The following LOX variants were observed in gnomAD, a reference collection of about 807,000 sequenced individuals.
LOX encodes the protein protein-lysine 6-oxidase.
LOX carries 12 observed loss-of-function variants against 50.5 expected under a neutral mutation model. That is an observed-to-expected ratio of 0.24 (90% confidence interval 0.15 to 0.38). LOX has a LOEUF of 0.38. LOX is among the 10% of genes least tolerant of loss of function. LOX has a pLI of 1.00. For missense variants in LOX, 504 were observed against 563.8 expected (o/e 0.89, Z 1.07); for synonymous variants, 254 against 230.6 (o/e 1.10, Z -0.92).
At chr5:122,072,400 A>G (rs1254471593) in intron 4 of LOX, among the ~76,000 whole-genome samples, 2 of 152,232 alleles carry the variant, frequency 1.3e-5, no homozygotes, top group Non-Finnish European at 2.9e-5. Flanking sequence ...CAGCAATTTG[A>G]GTTTTAGCAA....
chr5:122,071,219 G>A lies in LOX; in HGVS notation c.1036-630C>T, dbSNP rs540840314. 4.0e-4 allele frequency among the ~76,000 whole-genome samples: 57 copies of A among 144,182 alleles called. 3 individuals are homozygous for A. The South Asian group carries it at 8.7e-3, about 22-fold the overall frequency. The allele number at this position is 144,182 out of a possible 152,430, so 94.6% of individuals were successfully genotyped here. A position where few individuals can be genotyped will look rare whatever the true frequency, so the allele number is the denominator to read the frequency against. On this transcript the variant is annotated intron_variant, in intron 4 of 6. Transcript: ENST00000231004. ...TGTGTGTGTGTGTGTGTGTGTGTGTGTATAAAAATTCAATTTTCACAACTA... is the reference window on the plus strand; with the variant it reads ...TGTGTGTGTGTGTGTGTGTGTGTGTATATAAAAATTCAATTTTCACAACTA...
Position 122,077,305 on chromosome 5 carries a change from A to G in LOX, c.631+50T>C, listed in dbSNP as rs774291247. On this transcript the variant is annotated intron_variant, in intron 1 of 6. Coordinates refer to ENST00000231004, the MANE Select transcript of LOX (RefSeq NM_002317.7). This position sits in a 1 kb window ranked among gnomAD's most constrained non-coding sequence, Gnocchi z 4.9. ...AGGCAGCCACGTCGAGAAGCCACAT[A>G]GCTGGGGACCAGGTGCACGGGTGCT... The G allele has an allele frequency of 6.2e-7, 1 of 1,610,522 alleles. No individual in the cohort carries two copies. Among genetic ancestry groups the G allele is most frequent in the Non-Finnish European group, 8.5e-7 (1 of 1,178,572 alleles).
In LOX at chr5:122,063,415, T is replaced by A. The variant is rs1407184487; in HGVS notation, c.*3328A>T. 2 of 151,892 alleles carry A rather than the reference T, an allele frequency of 1.3e-5. No individual in the cohort carries two copies. Among genetic ancestry groups the A allele is most frequent in the African/African-American group, 2.4e-5 (1 of 41,414 alleles). The allele number at this position is 151,892 out of a possible 1,614,324, so 9.4% of individuals were successfully genotyped here. The stretch of plus-strand genomic sequence containing the variant: ...TAAAAACCTAACACCAAATGACATG[T>A]TACTTAGTTTATAGCAAGCAGTTTT... On this transcript the variant is annotated 3_prime_UTR_variant, in exon 7 of 7. Transcript: ENST00000231004.
Position 122,077,452 on chromosome 5 carries a change from A to G in LOX, c.534T>C (p.Ser178=), listed in dbSNP as rs144768703. ...GDDPYNPYKY[S]DDNPYYNYYD... is the part of the protein sequence containing the mutation. ...AGTAGTTGTAATAAGGGTTGTCGTC[A>G]GAGTACTTGTAGGGGTTGTAAGGGT... The change falls in exon 1 of 7, where the codon TCT becomes TCC. Residue 178 remains serine (S), a synonymous_variant. Coordinates refer to ENST00000231004, the MANE Select transcript of LOX (RefSeq NM_002317.7). The surrounding 1 kb of genome is among the most constrained non-coding windows in gnomAD (Gnocchi z 4.9). The G allele has an allele frequency of 2.7e-4, 438 of 1,614,088 alleles. No individual in the cohort carries two copies. Among genetic ancestry groups the G allele is most frequent in the Non-Finnish European group, 2.6e-4 (311 of 1,180,006 alleles).
At position 122,078,226 on chromosome 5, in the gene LOX, G is replaced by A; in HGVS notation, c.-241C>T. 2.4e-6 allele frequency: 1 copy of A among 413,314 alleles called. No homozygotes were observed. The highest frequency in any genetic ancestry group is 4.5e-5 in the Admixed American group (1 of 22,332). The allele number at this position is 413,314 out of a possible 1,614,324, so 25.6% of individuals were successfully genotyped here. The stretch of plus-strand genomic sequence containing the variant: ...TCTCAGTCCTGGAAGGCAACGGGGA[G>A]CGGCGCGGCAGTCCCGGAGAGCGGG... On this transcript the variant is annotated 5_prime_UTR_variant, in exon 1 of 7. Coordinates refer to ENST00000231004, the MANE Select transcript of LOX (RefSeq NM_002317.7).
chr5:122,071,162 G>C (rs1475399552), intron 4 of LOX, among the ~76,000 whole-genome samples: 1 of 151,552 alleles, frequency 6.6e-6, no homozygotes, highest in Non-Finnish European at 1.5e-5. Context: ...TTATTAAATA[G>C]TATGTGGCAG....
Position 122,077,958 on chromosome 5 carries a change from G to C in LOX, c.28C>G (p.Leu10Val). Reference sequence around the variant, plus strand: ...AGCGCGCAGAGCTGCAAAGGCCCGAGCAGGAGCACGGTCCAGGCGAAGCGC... The same window carrying C: ...AGCGCGCAGAGCTGCAAAGGCCCGACCAGGAGCACGGTCCAGGCGAAGCGC... MRFAWTVLLLGPLQLCALVH... is the reference protein window; with the variant it reads MRFAWTVLLVGPLQLCALVH... Residue 10 changes from leucine (L) to valine (V), a missense_variant, in exon 1 of 7, where the codon CTC becomes GTC. Leu to Val is a conservative substitution (Grantham distance 32, BLOSUM62 1). Coordinates refer to ENST00000231004, the MANE Select transcript of LOX (RefSeq NM_002317.7). The surrounding 1 kb of genome is among the most constrained non-coding windows in gnomAD (Gnocchi z 4.9). 6.8e-7 allele frequency: 1 copy of C among 1,476,184 alleles called. No individual in the cohort carries two copies. Among genetic ancestry groups the C allele is most frequent in the Non-Finnish European group, 8.9e-7 (1 of 1,121,942 alleles). 91.4% of individuals were successfully genotyped at this position (1,476,184 alleles called of 1,614,324 possible).
rs1377483061 is a variant in LOX, at chr5:122,064,096, A to G, written c.*2647T>C. On this transcript the variant is annotated 3_prime_UTR_variant, in exon 7 of 7. Coordinates refer to ENST00000231004, the MANE Select transcript of LOX (RefSeq NM_002317.7). ...AAACTGACTCATAAACTCTGAAATT[A>G]TGTTCCTATTTAGTCCATTTTCTGT... 2 of 151,898 alleles carry G rather than the reference A, an allele frequency of 1.3e-5. No homozygotes were observed. Among genetic ancestry groups the G allele is most frequent in the African/African-American group, 4.8e-5 (2 of 41,422 alleles). The allele number at this position is 151,898 out of a possible 1,614,324, so 9.4% of individuals were successfully genotyped here.
rs1415105205 is a variant in LOX, at chr5:122,063,762, C to G, written c.*2981G>C. 2 of 151,852 alleles carry G rather than the reference C, an allele frequency of 1.3e-5. No individual in the cohort carries two copies. The highest frequency in any genetic ancestry group is 2.9e-5 in the Non-Finnish European group (2 of 67,876). 9.4% of individuals were successfully genotyped at this position (151,852 alleles called of 1,614,324 possible). ...GAATTCAGTATTTTCATGCAATCTGCTAAAGATTAACTCTCAGTGCCAGGA... is the reference window on the plus strand; with the variant it reads ...GAATTCAGTATTTTCATGCAATCTGGTAAAGATTAACTCTCAGTGCCAGGA... On this transcript the variant is annotated 3_prime_UTR_variant, in exon 7 of 7. Transcript: ENST00000231004.
At chr5:122,070,960 T>TC (rs1561417761) in intron 4 of LOX, among the ~76,000 whole-genome samples, 2 of 152,154 alleles carry the variant, frequency 1.3e-5, no homozygotes. Context: ...AGTGAAATCC[T>TC]CCCCAGTTTC....
At chr5:122,075,596 A>T in intron 2 of LOX, 55 bp from the exon 3 acceptor site, 1 of 1,210,628 alleles carries the variant, frequency 8.3e-7, no homozygotes. Flanking sequence ...AACTAAAGAC[A>T]AAACTACAAA....
chr5:122,073,410 C>T (rs1247689728), intron 4 of LOX, among the ~76,000 whole-genome samples: 1 of 152,132 alleles, frequency 6.6e-6, no homozygotes, highest in Non-Finnish European at 1.5e-5. Context: ...TCCTTCTGCT[C>T]TTATTTGCAT....
At position 122,066,084 on chromosome 5, in the gene LOX, A is replaced by C. The variant is rs1368872039; in HGVS notation, c.*659T>G. 6.6e-6 allele frequency: 1 copy of C among 152,130 alleles called. No homozygotes were observed. The highest frequency in any genetic ancestry group is 1.5e-5 in the Non-Finnish European group (1 of 68,000). The allele number at this position is 152,130 out of a possible 1,614,324, so 9.4% of individuals were successfully genotyped here. A position where few individuals can be genotyped will look rare whatever the true frequency, so the allele number is the denominator to read the frequency against. ...TTTGTTCCAAAACAAAAGTTGACTC[A>C]AGTCAAAATGAAATTGTGCACTTGA... is the stretch of plus-strand genomic sequence containing the variant. On this transcript the variant is annotated 3_prime_UTR_variant, in exon 7 of 7. Transcript: ENST00000231004.
At chr5:122,070,300 G>A (rs1275907112) in intron 5 of LOX, 132 bp from the exon 6 acceptor site, 9 of 666,542 alleles carry the variant, frequency 1.4e-5, no homozygotes, top group East Asian at 1.1e-4. Context: ...CTCTGGAGAC[G>A]TTATGGAAAG....
chr5:122,072,669 G>GA (rs975599965), intron 4 of LOX, among the ~76,000 whole-genome samples: 9 of 151,900 alleles, frequency 5.9e-5, no homozygotes, highest in African/African-American at 9.7e-5. Context: ...TTGATCTAAT[G>GA]AAAAAAACAA....
At position 122,077,897 on chromosome 5, in the gene LOX, T is replaced by C. The variant is rs1236584777; in HGVS notation, c.89A>G (p.Gln30Arg). The stretch of plus-strand genomic sequence containing the variant: ...AGCCGCCGGCGGCTCGCGCGGGGGC[T>C]GCTGTTGGCCGGCGGCGGGAGGGGC... ...HCAPPAAGQQ[Q>R]PPREPPAAPG... is the part of the protein sequence containing the mutation. The change falls in exon 1 of 7, where the codon CAG becomes CGG. Residue 30 changes from glutamine (Q) to arginine (R), a missense_variant. By Grantham distance (43) the Gln-to-Arg change is conservative. This residue lies in a region of LOX where 398 missense variants were observed against 365.8 expected (regional missense o/e 1.09). Coordinates refer to ENST00000231004, the MANE Select transcript of LOX (RefSeq NM_002317.7). This position sits in a 1 kb window ranked among gnomAD's most constrained non-coding sequence, Gnocchi z 4.9. 2.0e-6 allele frequency: 3 copies of C among 1,522,864 alleles called. No homozygotes were observed. In the South Asian group the frequency reaches 3.8e-5, roughly 19 times the overall value. The allele number at this position is 1,522,864 out of a possible 1,614,324, so 94.3% of individuals were successfully genotyped here.
intron 5 of LOX, 54 bp from the exon 6 acceptor site, chr5:122,070,222 G>A: frequency 2.0e-6 from 2 of 1,023,056 alleles, no homozygotes; most frequent in East Asian, 2.4e-5. Context: ...GCTACAATAA[G>A]GAAATTGTTA....
Position 122,077,115 on chromosome 5 carries a change from G to A in LOX, c.632-114C>T. The stretch of plus-strand genomic sequence containing the variant: ...ACCCTTCGCCCACCGGGACTGCAGA[G>A]TGGAGCGGAGGACAGCAAGAGAACT... On this transcript the variant is annotated intron_variant, in intron 1 of 6. Transcript: ENST00000231004. This position sits in a 1 kb window ranked among gnomAD's most constrained non-coding sequence, Gnocchi z 4.9. 6.7e-7 allele frequency: 1 copy of A among 1,501,598 alleles called. No individual in the cohort carries two copies. The highest frequency in any genetic ancestry group is 8.8e-7 in the Non-Finnish European group (1 of 1,130,136). 93.0% of individuals were successfully genotyped at this position (1,501,598 alleles called of 1,614,324 possible).
At position 122,065,298 on chromosome 5, in the gene LOX, G is replaced by C. The variant is rs1754270076; in HGVS notation, c.*1445C>G. 1.3e-5 allele frequency: 2 copies of C among 152,018 alleles called. No individual in the cohort carries two copies. The highest frequency in any genetic ancestry group is 2.9e-5 in the Non-Finnish European group (2 of 67,978). The allele number at this position is 152,018 out of a possible 1,614,324, so 9.4% of individuals were successfully genotyped here. On this transcript the variant is annotated 3_prime_UTR_variant, in exon 7 of 7. Coordinates refer to ENST00000231004, the MANE Select transcript of LOX (RefSeq NM_002317.7). The stretch of plus-strand genomic sequence containing the variant: ...ATGACATGTAATACAGGATGCCGAG[G>C]CACTTTTAAAATTCCACCTAACATG...
Sources: allele counts gnomAD v4.1 joint callset (sites outside exome capture counted in the v4.1 genomes callset), GRCh38; gene constraint gnomAD v4.1.1; regional missense constraint gnomAD v4.1.1; non-coding constraint Gnocchi (gnomAD v3.1); transcripts MANE v1.5; gene names NCBI Gene and HGNC (gene_info 2026-07-23, HGNC 2026-07-21).